The following IL1RAPL2 variants were observed in gnomAD, a reference collection of about 807,000 sequenced individuals.
IL1RAPL2 encodes interleukin 1 receptor accessory protein like 2, also known as X-linked interleukin-1 receptor accessory protein-like 2.
A neutral mutation model predicts 44.1 loss-of-function variants in IL1RAPL2; 3 were observed. The observed-to-expected ratio is 0.07, with a 90% confidence interval of 0.03 to 0.18. The LOEUF is 0.18. Among genes scored for constraint, IL1RAPL2 ranks in the 10% least tolerant of loss-of-function variants. The pLI, the probability that IL1RAPL2 is intolerant of heterozygous loss-of-function variation, is 1.00. For synonymous variants in IL1RAPL2, 181 were observed against 178.8 expected, an observed-to-expected ratio of 1.01 and a Z score of -0.10; for missense variants, 391 against 496.4, an observed-to-expected ratio of 0.79 and a Z score of 2.02.
chrX:105,353,556 A>G (rs2147706262), intron 5 of IL1RAPL2, among the ~76,000 whole-genome samples: 1 of 111,744 alleles, frequency 8.9e-6, no homozygotes, highest in South Asian at 3.8e-4. Context: ...GCTTCTTCCT[A>G]TCCATGAGCA....
chrX:105,565,540 C>T (rs1233420017), intron 6 of IL1RAPL2, among the ~76,000 whole-genome samples: 2 of 111,866 alleles, frequency 1.8e-5, no homozygotes, highest in Admixed American at 1.9e-4. Flanking sequence ...CCTTCAGAGC[C>T]ACTGTCTTCT....
intron 2 of IL1RAPL2, among the ~76,000 whole-genome samples, chrX:105,168,707 A>T (rs139973268): frequency 1.8e-5 from 2 of 110,512 alleles, no homozygotes; most frequent in Non-Finnish European, 3.8e-5. Context: ...TTCCAGCCCT[A>T]AAGCAATCAG....
At chrX:104,752,016 G>A (rs1384904813) in intron 2 of IL1RAPL2, among the ~76,000 whole-genome samples, 1 of 111,096 alleles carries the variant, frequency 9.0e-6, no homozygotes, top group Non-Finnish European at 1.9e-5. Context: ...ACATAAGAAA[G>A]TTACCAGTTT....
chrX:105,503,494 A>G (rs1231875619), intron 6 of IL1RAPL2, among the ~76,000 whole-genome samples: 1 of 111,594 alleles, frequency 9.0e-6, no homozygotes. Context: ...CTTATTGGAC[A>G]GTGAAAAGTA....
chrX:104,828,910 G>T (rs1436730220), intron 2 of IL1RAPL2, among the ~76,000 whole-genome samples: 1 of 112,545 alleles, frequency 8.9e-6, no homozygotes, highest in African/African-American at 3.2e-5. Context: ...GAACTTCCTG[G>T]CGGCTTTGTT....
chrX:104,824,062 A>G (rs1301037891), intron 2 of IL1RAPL2, among the ~76,000 whole-genome samples: 1 of 111,975 alleles, frequency 8.9e-6, no homozygotes, highest in Non-Finnish European at 1.9e-5. Context: ...GATATGTTCC[A>G]TCAATACCTA....
chrX:104,623,178 A>G lies in IL1RAPL2; in HGVS notation c.-19-35717A>G, dbSNP rs1929432744. ...TTTACTTCTAAACAGTAAGAAAGAT[A>G]TGCTGTAATCTGTTGGGAAGACTGT... On this transcript the variant is annotated intron_variant, in intron 1 of 10. Coordinates refer to ENST00000372582, the MANE Select transcript of IL1RAPL2 (RefSeq NM_017416.2). Among the ~76,000 whole-genome samples, 2 of 111,640 alleles carry G rather than the reference A, an allele frequency of 1.8e-5. 1 individual carries two copies. The highest frequency in any genetic ancestry group is 7.5e-4 in the South Asian group (2 of 2,668).
chrX:105,529,613 A>C (rs2036618828), intron 6 of IL1RAPL2, among the ~76,000 whole-genome samples: 1 of 111,724 alleles, frequency 9.0e-6, no homozygotes, highest in South Asian at 3.7e-4. Context: ...TAACCATTTT[A>C]AGTATACAAT....
rs1225267748 is a variant in IL1RAPL2 at position 105,602,619 on chromosome X, T to C, written c.773-114748T>C. Among the ~76,000 whole-genome samples, 6 of 110,111 alleles carry C rather than the reference T, an allele frequency of 5.4e-5. No homozygotes were observed. In the East Asian group the frequency reaches 1.7e-3, roughly 32 times the overall value. On this transcript the variant is annotated intron_variant, in intron 6 of 10. Transcript: ENST00000372582. ...CCCAAATAGATTCAACCAAAACAGG[T>C]CTTCTAAGCACTTTATACTCAAATG...
intron 5 of IL1RAPL2, among the ~76,000 whole-genome samples, chrX:105,322,092 T>C (rs1388748135): frequency 8.9e-6 from 1 of 112,633 alleles, no homozygotes; most frequent in African/African-American, 3.2e-5. Flanking sequence ...GTTTAGGGAA[T>C]TGGTATGTAG....
chrX:104,883,297 G>A (rs1281464075), intron 2 of IL1RAPL2, among the ~76,000 whole-genome samples: 2 of 111,511 alleles, frequency 1.8e-5, no homozygotes, highest in East Asian at 5.7e-4. Flanking sequence ...GCGGCCACCA[G>A]ACTAAAGACA....
intron 6 of IL1RAPL2, among the ~76,000 whole-genome samples, chrX:105,509,172 G>A (rs934038259): frequency 2.7e-5 from 3 of 111,495 alleles, no homozygotes; most frequent in South Asian, 3.7e-4. Flanking sequence ...AAATGTTCAC[G>A]GACTCTAATA....
At chrX:105,000,375 G>A (rs1275437102) in intron 2 of IL1RAPL2, among the ~76,000 whole-genome samples, 1 of 111,202 alleles carries the variant, frequency 9.0e-6, no homozygotes, top group Non-Finnish European at 1.9e-5. Flanking sequence ...ATTTGGGACA[G>A]TATAAAGACA....
chrX:105,700,954 C>T lies in IL1RAPL2; in HGVS notation c.773-16413C>T, dbSNP rs777267190. On this transcript the variant is annotated intron_variant, in intron 6 of 10. Coordinates refer to ENST00000372582, the MANE Select transcript of IL1RAPL2 (RefSeq NM_017416.2). ...CCCAGTGGTGCTTCAGGTTTACCAC[C>T]CATAACTCTCCTCCTGCTCCTCTGG... Among the ~76,000 whole-genome samples the T allele has an allele frequency of 5.4e-5, 6 of 110,696 alleles. No homozygotes were observed. In the East Asian group the frequency reaches 1.7e-3, roughly 32 times the overall value.
At chrX:105,364,479 A>G (rs2035278290) in intron 5 of IL1RAPL2, among the ~76,000 whole-genome samples, 1 of 111,034 alleles carries the variant, frequency 9.0e-6, no homozygotes, top group African/African-American at 3.3e-5. Context: ...GAAATTTGAT[A>G]GGGATTACAC....
At chrX:104,601,347 A>G (rs937181760) in intron 1 of IL1RAPL2, among the ~76,000 whole-genome samples, 1 of 109,521 alleles carries the variant, frequency 9.1e-6, no homozygotes, top group African/African-American at 3.3e-5. Flanking sequence ...CCATTGTTCA[A>G]TTCCCACCTA....
At chrX:105,203,545 C>G (rs781897468) in intron 3 of IL1RAPL2, among the ~76,000 whole-genome samples, 1 of 111,918 alleles carries the variant, frequency 8.9e-6, no homozygotes, top group African/African-American at 3.2e-5. Context: ...TGTCTGCATT[C>G]AGTTTTGAGT....
intron 6 of IL1RAPL2, among the ~76,000 whole-genome samples, chrX:105,586,790 G>A (rs780680685): frequency 2.4e-4 from 27 of 112,490 alleles, no homozygotes; most frequent in Non-Finnish European, 4.3e-4. Flanking sequence ...GAGAGGAACC[G>A]CCTACAAACT....
At chrX:104,617,037 C>CT (rs1929293529) in intron 1 of IL1RAPL2, among the ~76,000 whole-genome samples, 1 of 111,979 alleles carries the variant, frequency 8.9e-6, no homozygotes, top group East Asian at 2.8e-4. Flanking sequence ...ATGCCAATGT[C>CT]CTGAATGGTA....
Sources: gnomAD v4.1 joint callset for allele counts (sites outside exome capture counted in the v4.1 genomes callset) on GRCh38, gnomAD v4.1.1 for gene constraint, MANE v1.5 for transcripts, NCBI Gene and HGNC (gene_info 2026-07-23, HGNC 2026-07-21) for gene names.